The following LGR4 variants were observed in gnomAD, a reference collection of about 807,000 sequenced individuals.
LGR4 encodes the protein leucine rich repeat containing G protein-coupled receptor 4.
Under a neutral mutation model 84.8 loss-of-function variants are expected in LGR4, and 44 were observed. The observed-to-expected ratio is 0.52, with a 90% CI of 0.41 to 0.67. The LOEUF is 0.67. Ranked by LOEUF, LGR4 falls within the 30% of genes least tolerant of loss-of-function variation. The probability of loss-of-function intolerance (pLI) is 0.00; values close to 1 mark genes in which losing one functional copy is unlikely to be tolerated. For synonymous variants in LGR4, 429 were observed against 434.3 expected (o/e 0.99, Z 0.15); for missense variants, 1,032 against 1,131.4 (o/e 0.91, Z 1.26).
chr11:27,393,609 C>A (rs1323022674), intron 2 of LGR4, among the ~76,000 whole-genome samples: 4 of 151,950 alleles, frequency 2.6e-5, no homozygotes, highest in African/African-American at 7.3e-5. Flanking sequence ...TTCCACTATT[C>A]TTCCTATTCC....
chr11:27,388,498 C>T (rs1029942303), intron 4 of LGR4, among the ~76,000 whole-genome samples: 1 of 152,106 alleles, frequency 6.6e-6, no homozygotes, highest in Non-Finnish European at 1.5e-5. Context: ...CTTTGTTAAT[C>T]GCAGTTTTCT....
intron 1 of LGR4, among the ~76,000 whole-genome samples, chr11:27,464,965 A>G (rs570304934): frequency 6.6e-6 from 1 of 152,310 alleles, no homozygotes; most frequent in East Asian, 1.9e-4. Context: ...GCAGCCTTTT[A>G]AAAAGGCTTA....
intron 13 of LGR4, among the ~76,000 whole-genome samples, chr11:27,375,986 T>C (rs1862970676): frequency 6.6e-6 from 1 of 151,934 alleles, no homozygotes; most frequent in African/African-American, 2.4e-5. Context: ...TCTTTTTTTT[T>C]TTTTTTTGAG....
intron 1 of LGR4, among the ~76,000 whole-genome samples, chr11:27,455,448 A>T (rs1377047686): frequency 6.6e-6 from 1 of 152,236 alleles, no homozygotes; most frequent in Non-Finnish European, 1.5e-5. Flanking sequence ...ACAAATAATA[A>T]CTACCATGTC....
chr11:27,427,116 T>C (rs1383891479), intron 1 of LGR4, among the ~76,000 whole-genome samples: 1 of 152,214 alleles, frequency 6.6e-6, no homozygotes, highest in African/African-American at 2.4e-5. Flanking sequence ...AGAAGTTTAA[T>C]AAATTTAAAA....
intron 1 of LGR4, among the ~76,000 whole-genome samples, chr11:27,453,140 C>G (rs1864515294): frequency 1.3e-5 from 2 of 152,038 alleles, no homozygotes; most frequent in Non-Finnish European, 2.9e-5. Flanking sequence ...GCGATCTCAG[C>G]TCACCACAAC....
chr11:27,445,302 T>C (rs1046011411), intron 1 of LGR4, among the ~76,000 whole-genome samples: 1 of 152,218 alleles, frequency 6.6e-6, no homozygotes, highest in African/African-American at 2.4e-5. Flanking sequence ...AGTCAGACTA[T>C]GTGGGTTCAA....
rs148368800 is a variant in LGR4 at position 27,380,909 on chromosome 11, T to A, written c.816A>T (p.Pro272=). Residue 272 remains proline (P), a synonymous_variant, in exon 8 of 18, where the codon CCA becomes CCT. Transcript: ENST00000379214. ...VIPDGAFDGN[P]LLRTIHLYDN... ...AAAATACTTACATAGTTCTTAAGAGTGGATTACCATCAAATGCTCCATCAG... is the reference window on the plus strand; with the variant it reads ...AAAATACTTACATAGTTCTTAAGAGAGGATTACCATCAAATGCTCCATCAG... 1.2e-4 allele frequency: 178 copies of A among 1,544,998 alleles called. No individual in the cohort carries two copies. The Middle Eastern group carries it at 2.0e-3, about 18-fold the overall frequency.
At chr11:27,373,347 C>A in intron 15 of LGR4, 1 of 441,512 alleles carries the variant, frequency 2.3e-6, no homozygotes, top group Non-Finnish European at 4.0e-6. Flanking sequence ...TTGAGGCCAT[C>A]AAGGGCTCCA....
At chr11:27,385,223 T>C (rs2133373113) in intron 5 of LGR4, 30 bp downstream of exon 5, 1 of 1,410,054 alleles carries the variant, frequency 7.1e-7, no homozygotes, top group Non-Finnish European at 9.6e-7. Flanking sequence ...TTAACACAAA[T>C]ATATGGAATT....
chr11:27,434,068 G>A (rs1423545311), intron 1 of LGR4, among the ~76,000 whole-genome samples: 2 of 152,210 alleles, frequency 1.3e-5, no homozygotes, highest in African/African-American at 2.4e-5. Flanking sequence ...TAAAACCACA[G>A]AGCCTTCTGG....
rs369900849 is a variant in LGR4, at chr11:27,368,939, G to A, written c.1784C>T (p.Thr595Ile). The A allele has an allele frequency of 7.7e-5, 125 of 1,613,982 alleles. No homozygotes were observed. Among genetic ancestry groups the A allele is most frequent in the Non-Finnish European group, 1.1e-4 (124 of 1,180,002 alleles). ...GCCCCAGGACACAGCATCAAGAAAAGTTAGGATGCCAGTATAGATTCCCAT... is the reference window on the plus strand; with the variant it reads ...GCCCCAGGACACAGCATCAAGAAAAATTAGGATGCCAGTATAGATTCCCAT... ...LFMGIYTGILTFLDAVSWGRF... is the reference protein window; with the variant it reads ...LFMGIYTGILIFLDAVSWGRF... The change falls in exon 18 of 18, where the codon ACT becomes ATT. Residue 595 changes from threonine (T) to isoleucine (I), a missense_variant. Physicochemically the swap from Thr to Ile is moderately conservative, Grantham distance 89. Transcript: ENST00000379214.
chr11:27,437,751 C>T (rs1487526960), intron 1 of LGR4, among the ~76,000 whole-genome samples: 3 of 149,698 alleles, frequency 2.0e-5, no homozygotes, highest in Non-Finnish European at 4.4e-5. Flanking sequence ...CTTATAATTC[C>T]AGCACTTTGG....
intron 1 of LGR4, among the ~76,000 whole-genome samples, chr11:27,459,102 CT>C (rs1245920428): frequency 1.3e-5 from 2 of 152,128 alleles, no homozygotes; most frequent in African/African-American, 4.8e-5. Flanking sequence ...GCAATAATTT[CT>C]TTTAGCATGT....
At chr11:27,408,411 A>T (rs1362388780) in intron 2 of LGR4, among the ~76,000 whole-genome samples, 4 of 152,168 alleles carry the variant, frequency 2.6e-5, no homozygotes. Context: ...TTAAACAATA[A>T]CTGTCCAAGT....
intron 6 of LGR4, 57 bp from the exon 7 acceptor site, chr11:27,382,313 AGG>A (rs1863111508): frequency 2.6e-6 from 3 of 1,151,426 alleles, no homozygotes; most frequent in African/African-American, 3.1e-5. Flanking sequence ...ATAATTCATA[AGG>A]CATTTTGTTA....
At chr11:27,405,153 C>T (rs189147147) in intron 2 of LGR4, among the ~76,000 whole-genome samples, 1 of 152,328 alleles carries the variant, frequency 6.6e-6, no homozygotes, top group Non-Finnish European at 1.5e-5. Context: ...CAACAACTTA[C>T]TGAAATGATT....
At chr11:27,462,124 C>T (rs1377525700) in intron 1 of LGR4, among the ~76,000 whole-genome samples, 1 of 152,082 alleles carries the variant, frequency 6.6e-6, no homozygotes, top group African/African-American at 2.4e-5. Flanking sequence ...TGAGCCACAG[C>T]CCCCAGCCAC....
chr11:27,402,585 T>A (rs1456012367), intron 2 of LGR4, among the ~76,000 whole-genome samples: 2 of 152,164 alleles, frequency 1.3e-5, no homozygotes, highest in African/African-American at 2.4e-5. Context: ...GCCTAAATGA[T>A]AACTACTCTT....
Sources: gnomAD v4.1 joint callset for allele counts (sites outside exome capture counted in the v4.1 genomes callset) on GRCh38, gnomAD v4.1.1 for gene constraint, MANE v1.5 for transcripts, NCBI Gene and HGNC (gene_info 2026-07-23, HGNC 2026-07-21) for gene names.